C21orf91: variants seen among roughly 807,000 people sequenced by gnomAD.
C21orf91 encodes chromosome 21 open reading frame 91, also known as protein EURL homolog.
Under a neutral mutation model 32.9 loss-of-function variants are expected in C21orf91, and 26 were observed. The ratio of observed to expected loss-of-function variants is 0.79; its 90% CI spans 0.58 to 1.10. The LOEUF is 1.10. Among genes scored for constraint, C21orf91 ranks in the 50% least tolerant of loss-of-function variants. The pLI is 0.00. For synonymous variants in C21orf91, 126 were observed against 120.4 expected, an observed-to-expected ratio of 1.05 and a Z score of -0.31; for missense variants, 310 against 341.3, an observed-to-expected ratio of 0.91 and a Z score of 0.72.
At chr21:17,808,569 G>A (rs1239206288) in intron 2 of C21orf91, among the ~76,000 whole-genome samples, 1 of 152,198 alleles carries the variant, frequency 6.6e-6, no homozygotes, top group African/African-American at 2.4e-5. Flanking sequence ...CTTTCACTGT[G>A]CACCTGGAAA....
In C21orf91 at chr21:17,796,613, C is replaced by A; in HGVS notation, c.633G>T (p.Gln211His). The change falls in exon 3 of 5, where the codon CAG becomes CAT. Residue 211 changes from glutamine (Q) to histidine (H), a missense_variant. Physicochemically the swap from Gln to His is conservative, Grantham distance 24. Coordinates refer to ENST00000284881, the MANE Select transcript of C21orf91 (RefSeq NM_001100420.2). The part of the protein sequence containing the change: ...ETISSPEANV[Q>H]TQHPHYSREE... The stretch of plus-strand genomic sequence containing the variant: ...CTCTGCTGTAATGTGGATGCTGGGT[C>A]TGGACATTAGCCTCTGGACTAGAGA... 1 of 1,613,820 alleles carries A rather than the reference C, an allele frequency of 6.2e-7. No homozygotes were observed. Among genetic ancestry groups the A allele is most frequent in the African/African-American group, 1.3e-5 (1 of 75,040 alleles).
chr21:17,801,853 A>G (rs939616128), intron 2 of C21orf91, among the ~76,000 whole-genome samples: 5 of 151,920 alleles, frequency 3.3e-5, no homozygotes, highest in African/African-American at 7.2e-5. Flanking sequence ...AAAAAAAAAA[A>G]GGGTTTCTTC....
chr21:17,801,530 A>G (rs989432295), intron 2 of C21orf91, among the ~76,000 whole-genome samples: 3 of 152,182 alleles, frequency 2.0e-5, no homozygotes, highest in African/African-American at 7.2e-5. Context: ...TCGGCCTCCT[A>G]AAGTGCTGGG....
chr21:17,804,224 C>A (rs992004396), intron 2 of C21orf91, among the ~76,000 whole-genome samples: 1 of 152,212 alleles, frequency 6.6e-6, no homozygotes, highest in Non-Finnish European at 1.5e-5. Context: ...CCAAGCACTG[C>A]CACTGAGTGG....
rs868756738 is a variant in C21orf91 at position 17,795,217 on chromosome 21, G to A, written c.718C>T (p.Gln240Ter). The A allele has an allele frequency of 2.5e-6, 4 of 1,607,884 alleles. No homozygotes were observed. The highest frequency in any genetic ancestry group is 3.4e-6 in the Non-Finnish European group (4 of 1,174,600). The change falls in exon 4 of 5, where the codon CAA becomes TAA. Residue 240 changes from glutamine (Q) to a stop codon, truncating the protein, a stop_gained. Transcript: ENST00000284881. LOFTEE classifies it high-confidence loss of function. ...VEQLNAKLLQQIQEVFEELTH... is the reference protein window; with the variant it reads ...VEQLNAKLLQ ...TGACAGTGATTCTTACCCTGGATTT[G>A]CTGTAGGAGCTTTGCATTCAGTTGC...
At position 17,796,876 on chromosome 21, in the gene C21orf91, T is replaced by C. The variant is rs747461880; in HGVS notation, c.370A>G (p.Arg124Gly). 1.2e-6 allele frequency: 2 copies of C among 1,613,958 alleles called. No homozygotes were observed. Among genetic ancestry groups the C allele is most frequent in the Non-Finnish European group, 1.7e-6 (2 of 1,179,898 alleles). Residue 124 changes from arginine (R) to glycine (G), a missense_variant, in exon 3 of 5, where the codon AGG becomes GGG. Coordinates refer to ENST00000284881, the MANE Select transcript of C21orf91 (RefSeq NM_001100420.2). ...KNPQHHLFNF[R>G]HKPEEKLLPQ... ...AGTAATTTTTCTTCTGGCTTATGCC[T>C]GAAATTAAACAGATGATGCTGGGGG...
chr21:17,816,099 A>G (rs925144875), intron 2 of C21orf91, among the ~76,000 whole-genome samples: 14 of 152,236 alleles, frequency 9.2e-5, no homozygotes, highest in Admixed American at 9.2e-4. Flanking sequence ...CAAAGATTAA[A>G]TTGGGATTTT....
Position 17,797,116 on chromosome 21 carries a change from CCCCTATGG to C in C21orf91, c.128-6_129del. ...GTGTGCAAGAGATCAGACTTTGGTACCCCTATGGAAAAAAAAGAGAAACAAAAGACTTG... is the reference window on the plus strand; with the variant it reads ...GTGTGCAAGAGATCAGACTTTGGTACAAAAAAAAGAGAAACAAAAGACTTG... On this transcript the variant is annotated splice_acceptor_variant and splice_polypyrimidine_tract_variant and coding_sequence_variant and intron_variant, in exon 3 of 5. Transcript: ENST00000284881. LOFTEE classifies it high-confidence loss of function. 1 of 1,553,282 alleles carries C rather than the reference CCCCTATGG, an allele frequency of 6.4e-7. No individual in the cohort carries two copies. Among genetic ancestry groups the C allele is most frequent in the Admixed American group, 2.2e-5 (1 of 46,380 alleles).
intron 2 of C21orf91, among the ~76,000 whole-genome samples, chr21:17,809,919 A>G (rs2062621412): frequency 6.6e-6 from 1 of 152,236 alleles, no homozygotes; most frequent in South Asian, 2.1e-4. Context: ...CAACTCAGAC[A>G]GTAACAGCAA....
rs1422539591 is a variant in C21orf91 at position 17,792,639 on chromosome 21, T to C, written c.*776A>G. ...AAAGAAGCAAGAGGAGGCTTTCATT[T>C]CTATGGAGACAAATTGACATAGAAG... On this transcript the variant is annotated 3_prime_UTR_variant, in exon 5 of 5. Coordinates refer to ENST00000284881, the MANE Select transcript of C21orf91 (RefSeq NM_001100420.2). The C allele has an allele frequency of 1.3e-5, 2 of 152,186 alleles. No individual in the cohort carries two copies. Among genetic ancestry groups the C allele is most frequent in the Non-Finnish European group, 2.9e-5 (2 of 68,002 alleles). 9.4% of individuals were successfully genotyped at this position (152,186 alleles called of 1,614,324 possible). A position where few individuals can be genotyped will look rare whatever the true frequency, so the allele number is the denominator to read the frequency against.
intron 2 of C21orf91, among the ~76,000 whole-genome samples, chr21:17,813,698 G>A (rs1319151094): frequency 6.6e-6 from 1 of 152,188 alleles, no homozygotes; most frequent in African/African-American, 2.4e-5. Flanking sequence ...TATACTTACT[G>A]GTTGAGCATT....
chr21:17,813,596 T>A lies in C21orf91; in HGVS notation c.127+4596A>T, dbSNP rs569865263. Among the ~76,000 whole-genome samples the A allele has an allele frequency of 8.5e-5, 13 of 152,336 alleles. 1 individual carries two copies. The South Asian group carries it at 2.7e-3, about 32-fold the overall frequency. On this transcript the variant is annotated intron_variant, in intron 2 of 4. Coordinates refer to ENST00000284881, the MANE Select transcript of C21orf91 (RefSeq NM_001100420.2). ...ATCAACTAGCAAGGTCAACTTACAC[T>A]GAAAACTTTGTTTGGTACAGACTGA...
intron 2 of C21orf91, among the ~76,000 whole-genome samples, chr21:17,808,179 T>C (rs1264879769): frequency 6.6e-6 from 1 of 152,182 alleles, no homozygotes; most frequent in East Asian, 1.9e-4. Flanking sequence ...GAGACACTGC[T>C]CATGTCCCAG....
In C21orf91 at chr21:17,793,217, A is replaced by C. The variant is rs1238819436; in HGVS notation, c.*198T>G. The C allele has an allele frequency of 5.3e-6, 2 of 379,616 alleles. No homozygotes were observed. The highest frequency in any genetic ancestry group is 9.5e-6 in the Non-Finnish European group (2 of 210,816). 23.5% of individuals were successfully genotyped at this position (379,616 alleles called of 1,614,324 possible). ...TAATTCTGGGAAAAAAGAGTCCCCA[A>C]ATGAGCCAAAATGATTAGCCCTAGA... On this transcript the variant is annotated 3_prime_UTR_variant, in exon 5 of 5. Coordinates refer to ENST00000284881, the MANE Select transcript of C21orf91 (RefSeq NM_001100420.2).
At chr21:17,806,427 A>G (rs900407317) in intron 2 of C21orf91, among the ~76,000 whole-genome samples, 2 of 152,214 alleles carry the variant, frequency 1.3e-5, no homozygotes, top group Non-Finnish European at 2.9e-5. Flanking sequence ...AGACATGAAC[A>G]TTTCTGATAT....
In C21orf91 at chr21:17,818,328, A is replaced by G. The variant is rs752796874; in HGVS notation, c.-7-3T>C. On this transcript the variant is annotated splice_region_variant and splice_polypyrimidine_tract_variant and intron_variant, in intron 1 of 4. Coordinates refer to ENST00000284881, the MANE Select transcript of C21orf91 (RefSeq NM_001100420.2). The stretch of plus-strand genomic sequence containing the variant: ...GCTCCTCTTCGTTCATAGTGCCCCT[A>G]TTAAGAAACAGAAAAGGAAAGTTAC... 2 of 1,597,020 alleles carry G rather than the reference A, an allele frequency of 1.3e-6. No homozygotes were observed. The highest frequency in any genetic ancestry group is 1.7e-6 in the Non-Finnish European group (2 of 1,171,536).
At position 17,810,029 on chromosome 21, in the gene C21orf91, G is replaced by T. The variant is rs527911360; in HGVS notation, c.127+8163C>A. Reference sequence around the variant, plus strand: ...TAAATCCAAAGCTCAGAGTTTAATGGGTTTATTCTCCTTATCAAATTCCTA... The same window carrying T: ...TAAATCCAAAGCTCAGAGTTTAATGTGTTTATTCTCCTTATCAAATTCCTA... On this transcript the variant is annotated intron_variant, in intron 2 of 4. Transcript: ENST00000284881. Among the ~76,000 whole-genome samples the T allele has an allele frequency of 2.3e-4, 35 of 152,142 alleles. No homozygotes were observed. The South Asian group carries it at 7.1e-3, about 31-fold the overall frequency.
intron 2 of C21orf91, among the ~76,000 whole-genome samples, chr21:17,800,672 TATA>T (rs1219645651): frequency 6.6e-6 from 1 of 152,244 alleles, no homozygotes; most frequent in African/African-American, 2.4e-5. Flanking sequence ...GGAGCTGAGT[TATA>T]ATAATTTCCA....
intron 2 of C21orf91, chr21:17,808,836 G>A (rs1369247843): frequency 6.6e-6 from 1 of 152,218 alleles, no homozygotes; most frequent in African/African-American, 2.4e-5. Flanking sequence ...TTGGATTTGT[G>A]TCTCCACCCA....
Sources: allele counts gnomAD v4.1 joint callset (sites outside exome capture counted in the v4.1 genomes callset), GRCh38; gene constraint gnomAD v4.1.1; transcripts MANE v1.5; gene names NCBI Gene and HGNC (gene_info 2026-07-23, HGNC 2026-07-21).